The following GALNTL6 variants were observed in gnomAD, a reference collection of about 807,000 sequenced individuals.
The protein encoded by GALNTL6 is polypeptide N-acetylgalactosaminyltransferase like 6.
GALNTL6 carries 46 observed loss-of-function variants against 73.7 expected under a neutral mutation model. The observed-to-expected ratio is 0.62, with a 90% CI of 0.49 to 0.80. GALNTL6 has a LOEUF of 0.80. GALNTL6 is among the 30% of genes least tolerant of loss of function. The pLI, the probability that GALNTL6 is intolerant of heterozygous loss-of-function variation, is 0.00. For missense variants in GALNTL6, 604 were observed against 755.0 expected (o/e 0.80, Z 2.34); for synonymous variants, 259 against 263.7 (o/e 0.98, Z 0.17).
chr4:172,561,259 CAAAAAAAAA>C (rs59249298), intron 5 of GALNTL6, among the ~76,000 whole-genome samples: 5 of 60,130 alleles, frequency 8.3e-5, no homozygotes, highest in Admixed American at 4.5e-4. Context: ...GACTCCGTCT[CAAAAAAAAA>C]AAAAAAAAAA....
chr4:172,005,312 A>G (rs771451651), intron 2 of GALNTL6, among the ~76,000 whole-genome samples: 14 of 151,996 alleles, frequency 9.2e-5, no homozygotes, highest in Non-Finnish European at 2.1e-4. Flanking sequence ...CTTTTTGTAT[A>G]GATGAGGTTT....
At chr4:171,874,146 A>G (rs1242061035) in intron 2 of GALNTL6, among the ~76,000 whole-genome samples, 1 of 152,192 alleles carries the variant, frequency 6.6e-6, no homozygotes, top group Non-Finnish European at 1.5e-5. Flanking sequence ...ATTTGACACA[A>G]ACCTTCCACA....
intron 5 of GALNTL6, among the ~76,000 whole-genome samples, chr4:172,698,654 ATGTT>A (rs1290834724): frequency 6.6e-6 from 1 of 152,116 alleles, no homozygotes; most frequent in Non-Finnish European, 1.5e-5. Flanking sequence ...CACTCAAACT[ATGTT>A]TGTGTGCTTT....
At chr4:171,967,331 C>A (rs1739413009) in intron 2 of GALNTL6, among the ~76,000 whole-genome samples, 1 of 151,998 alleles carries the variant, frequency 6.6e-6, no homozygotes, top group South Asian at 2.1e-4. Flanking sequence ...AAAAAGAATT[C>A]TTCATCTTTC....
chr4:172,279,708 T>TATATTCATTGTTATATTCAG (rs1738973852), intron 3 of GALNTL6, among the ~76,000 whole-genome samples: 1 of 152,104 alleles, frequency 6.6e-6, no homozygotes, highest in Non-Finnish European at 1.5e-5. Context: ...CTATATAACC[T>TATATTCATTGTTATATTCAG]AACAATTCCA....
At chr4:172,162,299 T>G (rs1734495087) in intron 2 of GALNTL6, among the ~76,000 whole-genome samples, 1 of 151,658 alleles carries the variant, frequency 6.6e-6, no homozygotes, top group Non-Finnish European at 1.5e-5. Flanking sequence ...GTTAGACTGA[T>G]TGCTTAAAGG....
intron 2 of GALNTL6, among the ~76,000 whole-genome samples, chr4:172,095,622 T>C (rs1195349268): frequency 6.6e-6 from 1 of 152,168 alleles, no homozygotes; most frequent in Non-Finnish European, 1.5e-5. Flanking sequence ...GGGAGGAATA[T>C]GATTTGCAAG....
At chr4:172,097,451 AGAGTG>A in intron 2 of GALNTL6, among the ~76,000 whole-genome samples, 1 of 152,294 alleles carries the variant, frequency 6.6e-6, no homozygotes, top group African/African-American at 2.4e-5. Context: ...CAGGAGTCTG[AGAGTG>A]GAACTTCTGG....
chr4:172,270,794 A>G (rs1298584000), intron 3 of GALNTL6, among the ~76,000 whole-genome samples: 2 of 149,166 alleles, frequency 1.3e-5, no homozygotes, highest in Non-Finnish European at 3.0e-5. Context: ...AGAGCTGTCT[A>G]TAGATATATA....
At chr4:172,486,526 C>T (rs545033797) in intron 5 of GALNTL6, among the ~76,000 whole-genome samples, 100 of 152,254 alleles carry the variant, frequency 6.6e-4, no homozygotes, top group African/African-American at 2.3e-3. Context: ...TAAAGTGGGG[C>T]ATTAGAAATG....
At chr4:172,118,007 T>C (rs929196756) in intron 2 of GALNTL6, among the ~76,000 whole-genome samples, 1 of 152,108 alleles carries the variant, frequency 6.6e-6, no homozygotes, top group Non-Finnish European at 1.5e-5. Flanking sequence ...TCTGGGTGTA[T>C]CTGTTTTTCA....
chr4:172,309,986 T>C (rs1561019427), intron 3 of GALNTL6, among the ~76,000 whole-genome samples: 1 of 152,076 alleles, frequency 6.6e-6, no homozygotes, highest in Non-Finnish European at 1.5e-5. Flanking sequence ...AAATATCAAT[T>C]ATATAAGGAT....
intron 11 of GALNTL6, among the ~76,000 whole-genome samples, chr4:173,014,674 A>C (rs1485709349): frequency 6.6e-6 from 1 of 152,194 alleles, no homozygotes; most frequent in Non-Finnish European, 1.5e-5. Context: ...GGTTTCTGCA[A>C]ACCTCATAAC....
intron 12 of GALNTL6, among the ~76,000 whole-genome samples, chr4:173,033,509 T>C (rs1187207468): frequency 6.6e-6 from 1 of 152,210 alleles, no homozygotes; most frequent in Non-Finnish European, 1.5e-5. Context: ...AAAGCCTCCT[T>C]GATTTGTCCT....
intron 2 of GALNTL6, among the ~76,000 whole-genome samples, chr4:172,033,373 CA>C (rs1741829695): frequency 6.6e-6 from 1 of 151,734 alleles, no homozygotes; most frequent in Non-Finnish European, 1.5e-5. Flanking sequence ...GCTATCAGGC[CA>C]TTTTTTAAAA....
chr4:172,099,811 GT>G lies in GALNTL6; in HGVS notation c.139-129842del, dbSNP rs570990542. On this transcript the variant is annotated intron_variant, in intron 2 of 12. Transcript: ENST00000506823. ...AGAACACGATACTTAAATATAAGAA[GT>G]TTCAGGTTTGGTCTTTGCATGAAAC... Among the ~76,000 whole-genome samples, 257 of 152,220 alleles carry G rather than the reference GT, an allele frequency of 1.7e-3. 1 individual carries two copies. Among genetic ancestry groups the G allele is most frequent in the Non-Finnish European group, 2.8e-3 (191 of 67,984 alleles).
At chr4:171,974,257 A>G (rs1739653221) in intron 2 of GALNTL6, among the ~76,000 whole-genome samples, 1 of 152,120 alleles carries the variant, frequency 6.6e-6, no homozygotes, top group African/African-American at 2.4e-5. Context: ...GTAGTTTACA[A>G]TTTCTCAGTA....
chr4:172,902,681 A>T (rs917930275), intron 8 of GALNTL6, among the ~76,000 whole-genome samples: 1 of 152,146 alleles, frequency 6.6e-6, no homozygotes, highest in Non-Finnish European at 1.5e-5. Context: ...CTCTTGCAAA[A>T]CCATTCTAAT....
At chr4:172,908,493 GA>G (rs1747022892) in intron 8 of GALNTL6, among the ~76,000 whole-genome samples, 1 of 151,868 alleles carries the variant, frequency 6.6e-6, no homozygotes, top group Non-Finnish European at 1.5e-5. Flanking sequence ...AAGCAGGGGG[GA>G]AATTTTCTAT....
Sources: gnomAD v4.1 joint callset for allele counts (sites outside exome capture counted in the v4.1 genomes callset) on GRCh38, gnomAD v4.1.1 for gene constraint, MANE v1.5 for transcripts, NCBI Gene and HGNC (gene_info 2026-07-23, HGNC 2026-07-21) for gene names.